Variants in SARS1 observed in about 807,000 individuals in gnomAD.
The protein encoded by SARS1 is seryl-tRNA synthetase 1.
Under a neutral mutation model 63.7 loss-of-function variants are expected in SARS1, and 25 were observed. The observed-to-expected ratio is 0.39, with a 90% CI of 0.29 to 0.55. The LOEUF (loss-of-function observed/expected upper bound fraction) is 0.55, where lower values mean the gene tolerates loss of function less well. SARS1 is among the 20% of genes least tolerant of loss of function. The pLI is 0.62. For synonymous variants in SARS1, 231 were observed against 243.5 expected (o/e 0.95, Z 0.48); for missense variants, 417 against 649.7 (o/e 0.64, Z 3.89).
intron 2 of SARS1, among the ~76,000 whole-genome samples, chr1:109,226,677 A>AAAATATATATATATATATATACAC (rs1178056468): frequency 4.4e-5 from 2 of 44,964 alleles, no homozygotes; most frequent in East Asian, 1.2e-3. Context: ...AAAAAAAAAA[A>AAAATATATATATATATATATACAC]ATATATATAT....
chr1:109,237,915 C>A lies in SARS1; in HGVS notation c.*27C>A. ...CATTCCTGCCTCCCTATTTGCCAGG[C>A]TTTCATTTCTGTCTGCTGAGATCTC... On this transcript the variant is annotated 3_prime_UTR_variant, in exon 11 of 11. Coordinates refer to ENST00000234677, the MANE Select transcript of SARS1 (RefSeq NM_006513.4). This position sits in a 1 kb window ranked among gnomAD's most constrained non-coding sequence, Gnocchi z 4.1. The A allele has an allele frequency of 3.1e-6, 5 of 1,611,828 alleles. No individual in the cohort carries two copies. The highest frequency in any genetic ancestry group is 3.4e-6 in the Non-Finnish European group (4 of 1,178,568).
intron 9 of SARS1, chr1:109,236,960 C>G (rs1488066591): frequency 1.3e-6 from 2 of 1,489,662 alleles, no homozygotes; most frequent in Admixed American, 2.7e-5. Flanking sequence ...AAAGGAAAGG[C>G]CACAATAGTA....
At chr1:109,224,618 A>C (rs1265244036) in intron 2 of SARS1, among the ~76,000 whole-genome samples, 2 of 152,092 alleles carry the variant, frequency 1.3e-5, no homozygotes, top group Non-Finnish European at 2.9e-5. Flanking sequence ...TAGAACATGT[A>C]GTTGTTCAGC....
At chr1:109,218,580 C>T (rs1247795502) in intron 1 of SARS1, among the ~76,000 whole-genome samples, 2 of 152,074 alleles carry the variant, frequency 1.3e-5, no homozygotes, top group African/African-American at 4.8e-5. Context: ...AATTCCTGAA[C>T]ACAATTTACA....
In SARS1 at chr1:109,236,553, A is replaced by T. The variant is rs760579605; in HGVS notation, c.1257+5A>T. 6.3e-7 allele frequency: 1 copy of T among 1,598,738 alleles called. No individual in the cohort carries two copies. The highest frequency in any genetic ancestry group is 1.1e-5 in the South Asian group (1 of 90,790). On this transcript the variant is annotated splice_donor_5th_base_variant and intron_variant, in intron 9 of 10. Transcript: ENST00000234677. The stretch of plus-strand genomic sequence containing the variant: ...ACCAAGAAGATGATGGACAAGGTAG[A>T]TGGCCCCCAGGGAGGTGGGAAGCAG...
chr1:109,216,518 T>C (rs1448107552), intron 1 of SARS1: 3 of 985,218 alleles, frequency 3.0e-6, no homozygotes, highest in Non-Finnish European at 3.6e-6. Flanking sequence ...AGCAAATAGA[T>C]TTCCATGTAA....
Position 109,237,183 on chromosome 1 carries a change from C to T in SARS1, c.1258-61C>T. 6.4e-7 allele frequency: 1 copy of T among 1,563,818 alleles called. No individual in the cohort carries two copies. The highest frequency in any genetic ancestry group is 1.4e-5 in the African/African-American group (1 of 72,844). Reference sequence around the variant, plus strand: ...GTCTGGTTGAATGGATGGTTCCTGGCCGTCAGTAAGACCCGATGAGAGTTG... The same window carrying T: ...GTCTGGTTGAATGGATGGTTCCTGGTCGTCAGTAAGACCCGATGAGAGTTG... On this transcript the variant is annotated intron_variant, in intron 9 of 10. Coordinates refer to ENST00000234677, the MANE Select transcript of SARS1 (RefSeq NM_006513.4). This position sits in a 1 kb window ranked among gnomAD's most constrained non-coding sequence, Gnocchi z 4.1.
chr1:109,236,629 C>G, intron 9 of SARS1, 81 bp downstream of exon 9: 1 of 1,534,226 alleles, frequency 6.5e-7, no homozygotes, highest in South Asian at 1.2e-5. Flanking sequence ...TTGGGGTGCA[C>G]TGGTCCCCAG....
At chr1:109,222,351 C>T (rs1006611138) in intron 1 of SARS1, among the ~76,000 whole-genome samples, 3 of 151,984 alleles carry the variant, frequency 2.0e-5, no homozygotes, top group African/African-American at 7.3e-5. Flanking sequence ...AATCCACAAA[C>T]CTTATTCAGA....
chr1:109,217,684 C>A (rs1430515542), intron 1 of SARS1, among the ~76,000 whole-genome samples: 1 of 151,934 alleles, frequency 6.6e-6, no homozygotes, highest in African/African-American at 2.4e-5. Flanking sequence ...CCTCAACCTT[C>A]TAAGTAGCTG....
intron 1 of SARS1, among the ~76,000 whole-genome samples, chr1:109,221,536 C>A (rs1342346181): frequency 6.6e-6 from 1 of 152,148 alleles, no homozygotes; most frequent in Non-Finnish European, 1.5e-5. Flanking sequence ...ATTTGCAGAT[C>A]ACTTGATTGT....
chr1:109,230,839 A>G (rs747261577), intron 4 of SARS1, 39 bp from the exon 5 acceptor site: 10 of 1,533,090 alleles, frequency 6.5e-6, no homozygotes, highest in Non-Finnish European at 7.9e-6. Context: ...TAATAAAATC[A>G]TATGTCTTGT....
At chr1:109,227,618 G>A (rs904434821) in intron 2 of SARS1, among the ~76,000 whole-genome samples, 10 of 152,014 alleles carry the variant, frequency 6.6e-5, no homozygotes, top group Admixed American at 4.6e-4. Context: ...ATCTACACTC[G>A]GGGCCGGGTG....
chr1:109,236,155 G>A (rs749557074), intron 8 of SARS1, 49 bp downstream of exon 8: 7 of 1,582,636 alleles, frequency 4.4e-6, no homozygotes, highest in Middle Eastern at 1.7e-4. Context: ...AATCCCAGAC[G>A]CCACCCTTAC....
intron 2 of SARS1, among the ~76,000 whole-genome samples, chr1:109,225,039 A>G (rs1389321506): frequency 6.6e-6 from 1 of 152,202 alleles, no homozygotes; most frequent in Non-Finnish European, 1.5e-5. Context: ...CAGGAGTCAA[A>G]AGTTGCAGTG....
At position 109,235,448 on chromosome 1, in the gene SARS1, G is replaced by A. The variant is rs1655288974; in HGVS notation, c.969+17G>A. 1 of 1,594,478 alleles carries A rather than the reference G, an allele frequency of 6.3e-7. No individual in the cohort carries two copies. The highest frequency in any genetic ancestry group is 1.3e-5 in the African/African-American group (1 of 74,606). ...TTTGAGAAGGTGAGTAGATGGGTCA[G>A]GGTAAGGAGTGGAACTTTCTCTGTC... is the stretch of plus-strand genomic sequence containing the variant. On this transcript the variant is annotated intron_variant, in intron 7 of 10. Coordinates refer to ENST00000234677, the MANE Select transcript of SARS1 (RefSeq NM_006513.4). This position sits in a 1 kb window ranked among gnomAD's most constrained non-coding sequence, Gnocchi z 4.7.
upstream of SARS1, chr1:109,213,916 G>A: frequency 1.3e-6 from 2 of 1,484,346 alleles, no homozygotes; most frequent in Non-Finnish European, 1.8e-6. Context: ...CAGCGCGCCG[G>A]CGCAGTGCGG....
intron 3 of SARS1, among the ~76,000 whole-genome samples, chr1:109,228,770 C>T (rs993932734): frequency 2.6e-5 from 4 of 152,168 alleles, no homozygotes; most frequent in Non-Finnish European, 2.9e-5. Flanking sequence ...ATATTCAGTA[C>T]GCTGGCAAGA....
chr1:109,231,608 G>C, intron 5 of SARS1, 23 bp from the exon 6 acceptor site: 2 of 1,465,622 alleles, frequency 1.4e-6, no homozygotes, highest in Non-Finnish European at 1.8e-6. Context: ...CAATCACATA[G>C]TACTGTGTCT....
Sources: allele counts gnomAD v4.1 joint callset (sites outside exome capture counted in the v4.1 genomes callset), GRCh38; gene constraint gnomAD v4.1.1; non-coding constraint Gnocchi (gnomAD v3.1); transcripts MANE v1.5; gene names NCBI Gene and HGNC (gene_info 2026-07-23, HGNC 2026-07-21).